Variants in PRR16 observed in about 807,000 individuals in gnomAD.
PRR16 encodes proline rich 16, also known as protein Largen.
A neutral mutation model predicts 18.2 loss-of-function variants in PRR16; 6 were observed. The observed-to-expected ratio is 0.33, with a 90% CI of 0.18 to 0.65. The LOEUF is 0.65. PRR16 is among the 30% of genes least tolerant of loss of function. The pLI is 0.74. For missense variants in PRR16, 412 were observed against 376.6 expected (o/e 1.09, Z -0.78); for synonymous variants, 151 against 147.8 (o/e 1.02, Z -0.16).
chr5:120,553,693 C>T (rs1333337719), intron 1 of PRR16, among the ~76,000 whole-genome samples: 9 of 151,880 alleles, frequency 5.9e-5, no homozygotes, highest in African/African-American at 9.6e-5. Context: ...ACATAATAAC[C>T]GTCTTTCATT....
chr5:120,558,766 A>G (rs1243773171), intron 1 of PRR16, among the ~76,000 whole-genome samples: 1 of 151,968 alleles, frequency 6.6e-6, no homozygotes, highest in East Asian at 1.9e-4. Flanking sequence ...TCCCACCAAC[A>G]GTGTACCAGT....
intron 1 of PRR16, among the ~76,000 whole-genome samples, chr5:120,490,374 G>T (rs6887703): frequency 6.6e-6 from 1 of 152,082 alleles, no homozygotes; most frequent in African/African-American, 2.4e-5. Flanking sequence ...TTTCTCTAAA[G>T]TTCTCTTCTC....
At chr5:120,602,419 T>C (rs1351190650) in intron 1 of PRR16, among the ~76,000 whole-genome samples, 1 of 151,866 alleles carries the variant, frequency 6.6e-6, no homozygotes, top group Non-Finnish European at 1.5e-5. Context: ...GATTTTGTAT[T>C]AGGAATCTTT....
At chr5:120,485,526 G>C (rs1580629605) in intron 1 of PRR16, among the ~76,000 whole-genome samples, 1 of 152,200 alleles carries the variant, frequency 6.6e-6, no homozygotes, top group East Asian at 1.9e-4. Flanking sequence ...ATTTGCTGAA[G>C]TTCTCTTAAA....
the PRR16 span, among the ~76,000 whole-genome samples, chr5:120,737,451 G>A: frequency 6.7e-6 from 1 of 150,236 alleles, no homozygotes; most frequent in East Asian, 2.0e-4. Context: ...TTTTTATATG[G>A]TGAGCCATAC....
the PRR16 span, among the ~76,000 whole-genome samples, chr5:120,727,404 A>T: frequency 6.6e-6 from 1 of 152,086 alleles, no homozygotes; most frequent in Non-Finnish European, 1.5e-5. Flanking sequence ...GTATGTTCAC[A>T]TAACTCCATA....
chr5:120,623,522 T>G (rs749780097), intron 1 of PRR16, among the ~76,000 whole-genome samples: 14 of 152,194 alleles, frequency 9.2e-5, no homozygotes, highest in Non-Finnish European at 1.5e-4. Context: ...AAATGAGGAT[T>G]AATTGGTAAA....
chr5:120,733,223 G>A, the PRR16 span, among the ~76,000 whole-genome samples: 4 of 151,950 alleles, frequency 2.6e-5, no homozygotes, highest in South Asian at 2.1e-4. Context: ...ATAGCTCACC[G>A]CAGCTTGAAC....
At chr5:120,741,188 T>A in the PRR16 span, among the ~76,000 whole-genome samples, 1 of 152,040 alleles carries the variant, frequency 6.6e-6, no homozygotes, top group Non-Finnish European at 1.5e-5. Context: ...ATTTGCTGAT[T>A]TTGCTAAATT....
chr5:120,659,683 T>C (rs1711664366), intron 1 of PRR16, among the ~76,000 whole-genome samples: 1 of 152,050 alleles, frequency 6.6e-6, no homozygotes, highest in Non-Finnish European at 1.5e-5. Context: ...TTTTGGTCTT[T>C]TTTATATTCC....
At chr5:120,729,345 G>A in the PRR16 span, among the ~76,000 whole-genome samples, 39 of 152,060 alleles carry the variant, frequency 2.6e-4, no homozygotes, top group Non-Finnish European at 4.4e-4. Context: ...CTGAGCCCAC[G>A]TCTTCTTACC....
At chr5:120,552,375 A>G (rs1561542869) in intron 1 of PRR16, among the ~76,000 whole-genome samples, 2 of 151,918 alleles carry the variant, frequency 1.3e-5, no homozygotes, top group Non-Finnish European at 2.9e-5. Context: ...GTAACTATAA[A>G]TGGAGTCAAA....
chr5:120,771,909 T>A, the PRR16 span, among the ~76,000 whole-genome samples: 24 of 152,150 alleles, frequency 1.6e-4, no homozygotes, highest in African/African-American at 5.5e-4. Flanking sequence ...TATAAAAATA[T>A]GCATTGAAAA....
Position 120,530,240 on chromosome 5 carries a change from C to T in PRR16, c.159+65595C>T, listed in dbSNP as rs1751499103. Among the ~76,000 whole-genome samples, 3 of 115,588 alleles carry T rather than the reference C, an allele frequency of 2.6e-5. No individual in the cohort carries two copies. In the Admixed American group the frequency reaches 3.0e-4, roughly 11 times the overall value. 75.8% of individuals were successfully genotyped at this position (115,588 alleles called of 152,430 possible). ...TTAGCAAAGAATTGTGCTGTTTTAC[C>T]TGAAGTGTGTGTAAATATATATATA... On this transcript the variant is annotated intron_variant, in intron 1 of 1. Transcript: ENST00000407149.
chr5:120,515,777 T>C (rs1750969965), intron 1 of PRR16, among the ~76,000 whole-genome samples: 1 of 152,250 alleles, frequency 6.6e-6, no homozygotes, highest in Admixed American at 6.5e-5. Context: ...AAGTACAGTG[T>C]GCCTTGTGTG....
At chr5:120,776,365 C>G in the PRR16 span, among the ~76,000 whole-genome samples, 1 of 152,008 alleles carries the variant, frequency 6.6e-6, no homozygotes, top group African/African-American at 2.4e-5. Flanking sequence ...GCAGTTCAGG[C>G]CACAAATGTA....
intron 1 of PRR16, among the ~76,000 whole-genome samples, chr5:120,563,082 C>T (rs914353563): frequency 1.6e-4 from 24 of 152,152 alleles, no homozygotes; most frequent in Non-Finnish European, 5.9e-5. Flanking sequence ...TGAAATCTCT[C>T]ACCTTTTGTT....
At chr5:120,537,408 A>G (rs576884084) in intron 1 of PRR16, among the ~76,000 whole-genome samples, 1 of 152,280 alleles carries the variant, frequency 6.6e-6, no homozygotes, top group African/African-American at 2.4e-5. Flanking sequence ...ATTTGCCACC[A>G]TATAAAATTC....
chr5:120,736,349 C>G, the PRR16 span, among the ~76,000 whole-genome samples: 2 of 152,094 alleles, frequency 1.3e-5, no homozygotes, highest in Non-Finnish European at 2.9e-5. Context: ...ACTGCAACCT[C>G]TGTCTCCCGG....
Sources: allele counts gnomAD v4.1 joint callset (sites outside exome capture counted in the v4.1 genomes callset), GRCh38; gene constraint gnomAD v4.1.1; transcripts MANE v1.5; gene names NCBI Gene and HGNC (gene_info 2026-07-23, HGNC 2026-07-21).